The following DIP2B variants were observed in gnomAD, a reference collection of about 807,000 sequenced individuals.
DIP2B encodes the protein DIP2 acetate--CoA ligase B (putative), also known as disco-interacting protein 2 homolog B.
DIP2B carries 76 observed loss-of-function variants against 198.0 expected under a neutral mutation model. The ratio of observed to expected loss-of-function variants is 0.38; its 90% CI spans 0.32 to 0.46. The LOEUF (loss-of-function observed/expected upper bound fraction) is 0.46, where lower values mean the gene tolerates loss of function less well. Ranked by LOEUF, DIP2B falls within the 20% of genes least tolerant of loss-of-function variation. The probability of loss-of-function intolerance (pLI) is 0.99; values close to 1 mark genes in which losing one functional copy is unlikely to be tolerated. For missense variants in DIP2B, 1,559 were observed against 1,978.4 expected, an observed-to-expected ratio of 0.79 and a Z score of 4.02; for synonymous variants, 701 against 739.1, an observed-to-expected ratio of 0.95 and a Z score of 0.84.
At chr12:50,699,897 CAA>C (rs71441394) in intron 19 of DIP2B, among the ~76,000 whole-genome samples, 1 of 141,908 alleles carries the variant, frequency 7.0e-6, no homozygotes, top group Non-Finnish European at 1.5e-5. Context: ...ACAACAAAAC[CAA>C]AAAAAAAAAG....
intron 1 of DIP2B, among the ~76,000 whole-genome samples, chr12:50,511,291 ATT>A (rs71083581): frequency 5.4e-4 from 35 of 64,664 alleles, no homozygotes; most frequent in South Asian, 2.3e-3. Flanking sequence ...TGTGATTTCT[ATT>A]TTTTTTTTTT....
At chr12:50,694,158 A>C (rs1417511946) in intron 14 of DIP2B, among the ~76,000 whole-genome samples, 1 of 152,192 alleles carries the variant, frequency 6.6e-6, no homozygotes, top group Non-Finnish European at 1.5e-5. Context: ...AAAAGCATTA[A>C]GTGGGTTGGA....
rs182466769 is a variant in DIP2B, at chr12:50,579,716, T to C, written c.101-46260T>C. 3.1e-3 allele frequency among the ~76,000 whole-genome samples: 318 copies of C among 102,076 alleles called. 12 individuals are homozygous for C. Among genetic ancestry groups the C allele is most frequent in the African/African-American group, 0.011 (285 of 27,076 alleles). The allele number at this position is 102,076 out of a possible 152,430, so 67.0% of individuals were successfully genotyped here. ...ATATATATATATATATATATATATA[T>C]ATACATAGCTTCATGGACCCCTGTA... On this transcript the variant is annotated intron_variant, in intron 1 of 37. Coordinates refer to ENST00000301180, the MANE Select transcript of DIP2B (RefSeq NM_173602.3).
chr12:50,687,430 G>A (rs925971304), intron 12 of DIP2B, among the ~76,000 whole-genome samples: 5 of 152,170 alleles, frequency 3.3e-5, no homozygotes, highest in African/African-American at 1.2e-4. Flanking sequence ...CTCACCAATT[G>A]TTAAGTTAAT....
At chr12:50,676,393 G>T (rs572380163) in intron 7 of DIP2B, among the ~76,000 whole-genome samples, 1 of 152,270 alleles carries the variant, frequency 6.6e-6, no homozygotes, top group East Asian at 1.9e-4. Flanking sequence ...AATTTATACC[G>T]CAGAAAGCAA....
At chr12:50,706,055 T>C (rs1349258725) in intron 20 of DIP2B, among the ~76,000 whole-genome samples, 1 of 152,210 alleles carries the variant, frequency 6.6e-6, no homozygotes, top group African/African-American at 2.4e-5. Flanking sequence ...CTTTCTTTAT[T>C]AGCCTATTTC....
intron 7 of DIP2B, among the ~76,000 whole-genome samples, chr12:50,676,937 C>T (rs1441053674): frequency 6.6e-6 from 1 of 152,114 alleles, no homozygotes; most frequent in Non-Finnish European, 1.5e-5. Flanking sequence ...ATTATTTACC[C>T]TAAGGCAGCA....
chr12:50,572,784 A>G (rs1417825859), intron 1 of DIP2B, among the ~76,000 whole-genome samples: 3 of 152,164 alleles, frequency 2.0e-5, no homozygotes, highest in African/African-American at 7.2e-5. Flanking sequence ...AACAGAAAAC[A>G]TTTTGGTGTC....
At chr12:50,691,244 C>T (rs897220342) in intron 13 of DIP2B, 93 bp downstream of exon 13, 14 of 1,108,374 alleles carry the variant, frequency 1.3e-5, no homozygotes, top group Middle Eastern at 3.9e-4. Context: ...ATTTAATGAC[C>T]GAATTCAGAG....
chr12:50,707,156 T>C (rs373756569), intron 21 of DIP2B, among the ~76,000 whole-genome samples: 1 of 152,240 alleles, frequency 6.6e-6, no homozygotes, highest in Non-Finnish European at 1.5e-5. Flanking sequence ...ATATCTTTTT[T>C]CTTTGCTTAT....
chr12:50,507,576 G>C (rs893528034), intron 1 of DIP2B, among the ~76,000 whole-genome samples: 3 of 151,966 alleles, frequency 2.0e-5, no homozygotes, highest in African/African-American at 7.3e-5. Context: ...TTTTGAGATG[G>C]AGTCTCACAC....
At chr12:50,630,243 C>T (rs1465355827) in intron 2 of DIP2B, among the ~76,000 whole-genome samples, 6 of 151,926 alleles carry the variant, frequency 3.9e-5, no homozygotes, top group Non-Finnish European at 8.8e-5. Flanking sequence ...CCACTGCACC[C>T]GGCCAAACTC....
At chr12:50,680,650 T>C in intron 8 of DIP2B, 22 bp from the exon 9 acceptor site, 1 of 1,599,328 alleles carries the variant, frequency 6.3e-7, no homozygotes, top group African/African-American at 1.4e-5. Context: ...ATGACTGTTG[T>C]TTTTTTTTCC....
At chr12:50,667,298 G>A (rs1007368008) in intron 4 of DIP2B, among the ~76,000 whole-genome samples, 1 of 152,218 alleles carries the variant, frequency 6.6e-6, no homozygotes, top group African/African-American at 2.4e-5. Context: ...TATGTTTTCA[G>A]AATTGTTTTC....
rs936448948 is a variant in DIP2B, at chr12:50,688,653, A to G, written c.1551+1971A>G. On this transcript the variant is annotated intron_variant, in intron 12 of 37. Coordinates refer to ENST00000301180, the MANE Select transcript of DIP2B (RefSeq NM_173602.3). ...GATGACAGAGCACAATTCTGTCTCA[A>G]AAAAGAAAAAAATACAAATAAGCAA... 7.2e-5 allele frequency among the ~76,000 whole-genome samples: 11 copies of G among 152,200 alleles called. No individual in the cohort carries two copies. In the South Asian group the frequency reaches 1.7e-3, roughly 23 times the overall value.
intron 1 of DIP2B, among the ~76,000 whole-genome samples, chr12:50,623,858 A>C (rs372501366): frequency 3.3e-5 from 5 of 152,088 alleles, no homozygotes; most frequent in Non-Finnish European, 7.3e-5. Flanking sequence ...CCTGACCTCT[A>C]TCCCCTAGAT....
chr12:50,505,889 C>G (rs986959821), intron 1 of DIP2B, among the ~76,000 whole-genome samples: 3 of 151,214 alleles, frequency 2.0e-5, no homozygotes, highest in Admixed American at 1.3e-4. Context: ...GCCTGTTATT[C>G]GGGCCGAATT....
intron 30 of DIP2B, among the ~76,000 whole-genome samples, chr12:50,729,367 C>T (rs1349236856): frequency 2.0e-5 from 3 of 152,194 alleles, no homozygotes; most frequent in East Asian, 3.8e-4. Flanking sequence ...GGTTGTGCTA[C>T]ACCTGTATGT....
At chr12:50,611,928 G>C (rs963507073) in intron 1 of DIP2B, among the ~76,000 whole-genome samples, 6 of 151,948 alleles carry the variant, frequency 3.9e-5, no homozygotes, top group African/African-American at 1.2e-4. Flanking sequence ...GCCAGGCGTG[G>C]TGGCTCTTGC....
Sources: gnomAD v4.1 joint callset for allele counts (sites outside exome capture counted in the v4.1 genomes callset) on GRCh38, gnomAD v4.1.1 for gene constraint, MANE v1.5 for transcripts, NCBI Gene and HGNC (gene_info 2026-07-23, HGNC 2026-07-21) for gene names.